The following CXCL13 variants were observed in gnomAD, a reference collection of about 807,000 sequenced individuals.
CXCL13 encodes the protein C-X-C motif chemokine ligand 13, also known as C-X-C motif chemokine 13.
Under a neutral mutation model 12.2 loss-of-function variants are expected in CXCL13, and 7 were observed. That is an observed-to-expected ratio of 0.57 (90% CI 0.33 to 1.07). The LOEUF (loss-of-function observed/expected upper bound fraction) is 1.07. Among genes scored for constraint, CXCL13 ranks in the 50% least tolerant of loss-of-function variants. The pLI is 0.04. For synonymous variants in CXCL13, 47 were observed against 42.4 expected (o/e 1.11, Z -0.42); for missense variants, 113 against 127.4 (o/e 0.89, Z 0.55).
At chr4:77,518,617 C>A (rs371801374) in intron 1 of CXCL13, among the ~76,000 whole-genome samples, 1 of 152,174 alleles carries the variant, frequency 6.6e-6, no homozygotes, top group Non-Finnish European at 1.5e-5. Context: ...TTCTTCACGT[C>A]GTTCTCGAGC....
chr4:77,523,008 CT>C (rs1378914844), intron 1 of CXCL13, among the ~76,000 whole-genome samples: 1 of 152,128 alleles, frequency 6.6e-6, no homozygotes, highest in Non-Finnish European at 1.5e-5. Flanking sequence ...GTTGAAAATT[CT>C]TTTCTTTAAG....
chr4:77,527,135 T>G (rs1034763384), intron 1 of CXCL13, among the ~76,000 whole-genome samples: 9 of 152,048 alleles, frequency 5.9e-5, no homozygotes. Context: ...AATAATCACA[T>G]GAAAAGATGC....
intron 1 of CXCL13, among the ~76,000 whole-genome samples, chr4:77,580,873 T>C (rs1726317470): frequency 6.7e-6 from 1 of 149,636 alleles, no homozygotes; most frequent in South Asian, 2.2e-4. Context: ...TCTTCTCCTG[T>C]GATGAGACCC....
chr4:77,539,528 G>A (rs1247640866), intron 1 of CXCL13, among the ~76,000 whole-genome samples: 1 of 152,186 alleles, frequency 6.6e-6, no homozygotes, highest in Non-Finnish European at 1.5e-5. Flanking sequence ...TGTCCGCATG[G>A]CAGTGGCCTG....
At chr4:77,591,359 G>A (rs1234094488) in intron 1 of CXCL13, among the ~76,000 whole-genome samples, 1 of 151,764 alleles carries the variant, frequency 6.6e-6, no homozygotes, top group Non-Finnish European at 1.5e-5. Context: ...GACCATCCTG[G>A]CTAACAAGGT....
chr4:77,564,689 T>C (rs1725883328), intron 1 of CXCL13, among the ~76,000 whole-genome samples: 1 of 152,240 alleles, frequency 6.6e-6, no homozygotes, highest in South Asian at 2.1e-4. Flanking sequence ...TAGCAAGTGC[T>C]GGAGCCTGGA....
chr4:77,577,143 A>G (rs1430235608), intron 1 of CXCL13, among the ~76,000 whole-genome samples: 1 of 152,170 alleles, frequency 6.6e-6, no homozygotes, highest in African/African-American at 2.4e-5. Flanking sequence ...AAATAGGATG[A>G]CCATCACCTG....
intron 1 of CXCL13, among the ~76,000 whole-genome samples, chr4:77,568,552 G>A (rs1161730090): frequency 6.6e-6 from 1 of 152,142 alleles, no homozygotes; most frequent in Non-Finnish European, 1.5e-5. Context: ...TTTCTTGTGA[G>A]AGGTCCCCCA....
intron 1 of CXCL13, among the ~76,000 whole-genome samples, chr4:77,516,124 A>G (rs537493314): frequency 6.6e-6 from 1 of 152,318 alleles, no homozygotes; most frequent in Admixed American, 6.5e-5. Flanking sequence ...TGATTTGCAT[A>G]TATCGAACCA....
intron 1 of CXCL13, among the ~76,000 whole-genome samples, chr4:77,539,043 G>A (rs1449093868): frequency 6.7e-6 from 1 of 149,910 alleles, no homozygotes; most frequent in Non-Finnish European, 1.5e-5. Context: ...CTAGTGCACA[G>A]TTTGACCTAA....
chr4:77,569,144 C>T (rs1012671932), intron 1 of CXCL13, among the ~76,000 whole-genome samples: 1 of 152,136 alleles, frequency 6.6e-6, no homozygotes, highest in African/African-American at 2.4e-5. Context: ...TATGACAAAC[C>T]CACAGCCAAC....
intron 1 of CXCL13, among the ~76,000 whole-genome samples, chr4:77,532,713 A>G (rs1397998851): frequency 1.3e-5 from 2 of 152,196 alleles, no homozygotes; most frequent in Non-Finnish European, 2.9e-5. Flanking sequence ...CTTTTCACGT[A>G]GTCCCATATT....
chr4:77,569,472 C>G (rs1275092524), intron 1 of CXCL13, among the ~76,000 whole-genome samples: 5 of 152,178 alleles, frequency 3.3e-5, no homozygotes, highest in Non-Finnish European at 5.9e-5. Context: ...ACTCCAACAA[C>G]TGTCAAACCA....
chr4:77,592,570 C>T (rs970029635), intron 1 of CXCL13, among the ~76,000 whole-genome samples: 1 of 151,848 alleles, frequency 6.6e-6, no homozygotes, highest in Non-Finnish European at 1.5e-5. Context: ...CATTGTGTGC[C>T]CCATAATTCT....
At chr4:77,610,953 A>T in intron 3 of CXCL13, 35 bp from the exon 4 acceptor site, 2 of 1,582,192 alleles carry the variant, frequency 1.3e-6, no homozygotes, top group Non-Finnish European at 1.7e-6. Context: ...TGTTTCTCTA[A>T]ACATGACAAT....
chr4:77,558,472 C>T (rs933280310), intron 1 of CXCL13, among the ~76,000 whole-genome samples: 24 of 152,194 alleles, frequency 1.6e-4, no homozygotes, highest in African/African-American at 5.5e-4. Context: ...CCCACTTCAG[C>T]CTCCCAAGTA....
At chr4:77,600,945 A>C (rs1578072697), upstream of CXCL13, among the ~76,000 whole-genome samples, 1 of 152,196 alleles carries the variant, frequency 6.6e-6, no homozygotes, top group African/African-American at 2.4e-5. Flanking sequence ...CAAATCAAAT[A>C]AATGATTTGA....
intron 1 of CXCL13, among the ~76,000 whole-genome samples, chr4:77,581,155 T>A (rs944924437): frequency 2.6e-5 from 4 of 152,038 alleles, no homozygotes; most frequent in African/African-American, 7.2e-5. Context: ...GTGATGAAAA[T>A]TTTTTAAATG....
At chr4:77,514,547 T>C (rs1365943830) in intron 1 of CXCL13, among the ~76,000 whole-genome samples, 1 of 147,114 alleles carries the variant, frequency 6.8e-6, no homozygotes, top group Non-Finnish European at 1.5e-5. Context: ...TGCATTTCTC[T>C]GATGGCCAGT....
Sources: gnomAD v4.1 joint callset for allele counts (sites outside exome capture counted in the v4.1 genomes callset) on GRCh38, gnomAD v4.1.1 for gene constraint, MANE v1.5 for transcripts, NCBI Gene and HGNC (gene_info 2026-07-23, HGNC 2026-07-21) for gene names.